The following XKR9 variants were observed in gnomAD, a reference collection of about 807,000 sequenced individuals.
XKR9 encodes XK related 9, also known as XK-related protein 9.
In XKR9, 32 loss-of-function variants were observed where a neutral mutation model predicts 32.0. That is an observed-to-expected ratio of 1.00 (90% CI 0.76 to 1.34). XKR9 has a LOEUF of 1.34. Ranked by LOEUF, XKR9 falls within the 40% of genes most tolerant of loss-of-function variation. The pLI is 0.00. For missense variants in XKR9, 546 were observed against 429.7 expected (o/e 1.27, Z -2.39); for synonymous variants, 168 against 143.4 (o/e 1.17, Z -1.22).
chr8:70,739,840 G>T (rs1011026738), downstream of XKR9, among the ~76,000 whole-genome samples: 1 of 152,328 alleles, frequency 6.6e-6, no homozygotes, highest in Middle Eastern at 3.4e-3. Context: ...GAGATCCGCC[G>T]TTGGTCTGAT....
chr8:71,039,520 G>T, the XKR9 span, among the ~76,000 whole-genome samples: 1 of 152,080 alleles, frequency 6.6e-6, no homozygotes, highest in Non-Finnish European at 1.5e-5. Flanking sequence ...CATTACTTTC[G>T]CACTCTTGTA....
chr8:70,951,007 C>A, the XKR9 span, among the ~76,000 whole-genome samples: 1 of 152,168 alleles, frequency 6.6e-6, no homozygotes, highest in African/African-American at 2.4e-5. Flanking sequence ...CTCTCTCTTT[C>A]TCTCCGTAGA....
the XKR9 span, among the ~76,000 whole-genome samples, chr8:70,933,427 G>A: frequency 6.6e-6 from 1 of 151,764 alleles, no homozygotes; most frequent in Admixed American, 6.6e-5. Context: ...GAGATGAAGG[G>A]GAAGAACAGT....
Position 70,700,692 on chromosome 8 carries a change from G to T in XKR9, c.273-6241G>T, listed in dbSNP as rs537870567. Among the ~76,000 whole-genome samples, 3 of 152,334 alleles carry T rather than the reference G, an allele frequency of 2.0e-5. No homozygotes were observed. In the South Asian group the frequency reaches 6.2e-4, roughly 32 times the overall value. The stretch of plus-strand genomic sequence containing the variant: ...TCTGAGATCTCCAGCTGCGTGCTGG[G>T]AGAACCACTGCTCTCTTCAAAGCTG... On this transcript the variant is annotated intron_variant, in intron 3 of 4. Transcript: ENST00000408926.
intron 4 of XKR9, among the ~76,000 whole-genome samples, chr8:70,725,239 C>T (rs1039566836): frequency 8.6e-5 from 13 of 151,972 alleles, no homozygotes; most frequent in Non-Finnish European, 1.5e-4. Context: ...TGGGTGGGGA[C>T]GCAAAGCCAA....
chr8:70,781,462 T>C (rs1807615101), intron 2 of XKR9, among the ~76,000 whole-genome samples: 1 of 151,886 alleles, frequency 6.6e-6, no homozygotes, highest in African/African-American at 2.4e-5. Flanking sequence ...CCGATACATG[T>C]ATGCAATGTG....
At position 70,741,642 on chromosome 8, in the gene XKR9, G is replaced by T. The variant is rs187563351; in HGVS notation, n.352+34489G>T. Among the ~76,000 whole-genome samples the T allele has an allele frequency of 2.1e-3, 325 of 152,136 alleles. 4 individuals are homozygous for T. The highest frequency in any genetic ancestry group is 6.8e-3 in the Middle Eastern group (2 of 294). ...CATTTTGTTTATCCATTCATTCATT[G>T]ATGAATGGATTGATGAATGGATATT... On this transcript the variant is annotated intron_variant and non_coding_transcript_variant, in intron 2 of 3. Coordinates refer to the XKR9 transcript ENST00000520273.
intron 3 of XKR9, among the ~76,000 whole-genome samples, chr8:70,693,687 C>A (rs1197577708): frequency 2.0e-5 from 3 of 152,188 alleles, no homozygotes; most frequent in African/African-American, 7.2e-5. Context: ...GCAGTCAGCC[C>A]AAGACGGAAG....
downstream of XKR9, among the ~76,000 whole-genome samples, chr8:70,740,183 C>G (rs540758270): frequency 0.13 from 19,536 of 152,074 alleles, 1,622 homozygotes; most frequent in African/African-American, 0.24. Context: ...ATTCTTTTTT[C>G]TCTAAACTTC....
At chr8:70,703,868 C>A (rs1805626657) in intron 3 of XKR9, among the ~76,000 whole-genome samples, 1 of 151,692 alleles carries the variant, frequency 6.6e-6, no homozygotes, top group Non-Finnish European at 1.5e-5. Flanking sequence ...TTTTTTTTGG[C>A]CTATTCATCA....
At chr8:70,973,143 A>G in the XKR9 span, among the ~76,000 whole-genome samples, 1 of 151,790 alleles carries the variant, frequency 6.6e-6, no homozygotes, top group African/African-American at 2.4e-5. Flanking sequence ...CAATCCCGCT[A>G]TTTGTTATTG....
chr8:71,014,332 A>G, the XKR9 span, among the ~76,000 whole-genome samples: 3 of 152,188 alleles, frequency 2.0e-5, no homozygotes, highest in African/African-American at 7.2e-5. Flanking sequence ...ACAACAACAG[A>G]GTGTTCTCTC....
the XKR9 span, among the ~76,000 whole-genome samples, chr8:71,028,266 C>T: frequency 1.3e-5 from 2 of 152,116 alleles, no homozygotes; most frequent in South Asian, 2.1e-4. Context: ...TTTTAGTATA[C>T]AGGTCTTTCA....
chr8:70,805,389 C>A, the XKR9 span, among the ~76,000 whole-genome samples: 4 of 152,218 alleles, frequency 2.6e-5, no homozygotes, highest in Non-Finnish European at 5.9e-5. Context: ...CTACCGAGCT[C>A]CCGGGGGGAG....
chr8:70,852,301 G>C, the XKR9 span, among the ~76,000 whole-genome samples: 1 of 152,196 alleles, frequency 6.6e-6, no homozygotes, highest in African/African-American at 2.4e-5. Flanking sequence ...TGGAAAGGAA[G>C]TGGAGAAAAG....
chr8:70,745,010 T>A (rs1406621834), intron 2 of XKR9, among the ~76,000 whole-genome samples: 1 of 150,230 alleles, frequency 6.7e-6, no homozygotes, highest in Non-Finnish European at 1.5e-5. Flanking sequence ...TTAGCTTGAA[T>A]AATCCAATTA....
intron 4 of XKR9, among the ~76,000 whole-genome samples, chr8:70,713,513 A>G (rs1805988812): frequency 6.6e-6 from 1 of 152,160 alleles, no homozygotes; most frequent in Non-Finnish European, 1.5e-5. Flanking sequence ...TTCCAAAGAG[A>G]GTGTACTTCA....
At chr8:70,858,899 A>G in the XKR9 span, among the ~76,000 whole-genome samples, 1 of 152,240 alleles carries the variant, frequency 6.6e-6, no homozygotes, top group African/African-American at 2.4e-5. Context: ...GAACTATGAA[A>G]TTACCCATAA....
At chr8:71,028,951 A>C in the XKR9 span, among the ~76,000 whole-genome samples, 366 of 150,362 alleles carry the variant, frequency 2.4e-3, no homozygotes, top group Non-Finnish European at 4.0e-3. Context: ...GATTTATGAC[A>C]GTATTAAAGA....
Sources: allele counts gnomAD v4.1 joint callset (sites outside exome capture counted in the v4.1 genomes callset), GRCh38; gene constraint gnomAD v4.1.1; transcripts MANE v1.5; gene names NCBI Gene and HGNC (gene_info 2026-07-23, HGNC 2026-07-21).